Variants in IL1RAPL2 observed in about 807,000 individuals in gnomAD.
IL1RAPL2 encodes the protein interleukin 1 receptor accessory protein like 2.
A neutral mutation model predicts 44.1 loss-of-function variants in IL1RAPL2; 3 were observed. The ratio of observed to expected loss-of-function variants is 0.07; its 90% confidence interval spans 0.03 to 0.18. IL1RAPL2 has a LOEUF of 0.18. Among genes scored for constraint, IL1RAPL2 ranks in the 10% least tolerant of loss-of-function variants. IL1RAPL2 has a pLI of 1.00. For synonymous variants in IL1RAPL2, 181 were observed against 178.8 expected (o/e 1.01, Z -0.10); for missense variants, 391 against 496.4 (o/e 0.79, Z 2.02).
intron 2 of IL1RAPL2, among the ~76,000 whole-genome samples, chrX:104,873,258 A>G (rs995764372): frequency 3.6e-5 from 4 of 110,477 alleles, no homozygotes; most frequent in African/African-American, 9.9e-5. Context: ...CATTTATCTC[A>G]TTTTTGAGGA....
chrX:104,987,256 GT>G (rs1451834879), intron 2 of IL1RAPL2, among the ~76,000 whole-genome samples: 1 of 111,248 alleles, frequency 9.0e-6, no homozygotes, highest in African/African-American at 3.3e-5. Context: ...AGGAAATAGT[GT>G]TCCAGGTTTC....
chrX:104,921,019 A>G (rs1438456038), intron 2 of IL1RAPL2, among the ~76,000 whole-genome samples: 1 of 111,224 alleles, frequency 9.0e-6, no homozygotes, highest in African/African-American at 3.3e-5. Context: ...GACCGGTGCC[A>G]TTCCCAAGGA....
intron 6 of IL1RAPL2, among the ~76,000 whole-genome samples, chrX:105,532,325 A>G (rs763057876): frequency 8.9e-6 from 1 of 111,899 alleles, no homozygotes; most frequent in Admixed American, 9.5e-5. Context: ...GAATCTCTAA[A>G]GCACCAATAT....
intron 2 of IL1RAPL2, among the ~76,000 whole-genome samples, chrX:105,026,471 A>T (rs2031374382): frequency 9.0e-6 from 1 of 110,939 alleles, no homozygotes; most frequent in Non-Finnish European, 1.9e-5. Flanking sequence ...CCACCAAAAA[A>T]CTATTAGAAC....
At chrX:105,293,076 C>T (rs1346017831) in intron 5 of IL1RAPL2, among the ~76,000 whole-genome samples, 1 of 93,450 alleles carries the variant, frequency 1.1e-5, no homozygotes, top group Non-Finnish European at 2.0e-5. Flanking sequence ...CAAGATCATG[C>T]CACTGCACTC....
chrX:104,915,034 A>T (rs1924372804), intron 2 of IL1RAPL2, among the ~76,000 whole-genome samples: 2 of 111,840 alleles, frequency 1.8e-5, no homozygotes, highest in East Asian at 5.6e-4. Flanking sequence ...ATACATGTGC[A>T]TGTGTCTTTA....
chrX:105,154,949 T>C (rs2033257492), intron 2 of IL1RAPL2, among the ~76,000 whole-genome samples: 1 of 112,045 alleles, frequency 8.9e-6, no homozygotes. Context: ...AATGGCACGA[T>C]TCAGCCTTAA....
chrX:104,950,734 A>G (rs1322372600), intron 2 of IL1RAPL2, among the ~76,000 whole-genome samples: 1 of 105,345 alleles, frequency 9.5e-6, no homozygotes, highest in South Asian at 4.2e-4. Flanking sequence ...TTTGAGACGG[A>G]GTCTCGCTGT....
At chrX:104,867,763 G>C (rs1318206365) in intron 2 of IL1RAPL2, among the ~76,000 whole-genome samples, 1 of 112,047 alleles carries the variant, frequency 8.9e-6, no homozygotes, top group East Asian at 2.8e-4. Context: ...GGATTGGAGG[G>C]AGTAGAAACT....
intron 6 of IL1RAPL2, among the ~76,000 whole-genome samples, chrX:105,545,996 G>C (rs2036794184): frequency 1.8e-5 from 2 of 111,386 alleles, no homozygotes; most frequent in South Asian, 7.5e-4. Flanking sequence ...TACTCACCTT[G>C]TGTCCAAGAT....
intron 2 of IL1RAPL2, among the ~76,000 whole-genome samples, chrX:104,880,806 G>C (rs766857145): frequency 8.9e-6 from 1 of 111,876 alleles, no homozygotes; most frequent in Non-Finnish European, 1.9e-5. Flanking sequence ...ATACCTTTCT[G>C]TTTTCCAAAA....
chrX:104,942,130 G>A (rs751072471), intron 2 of IL1RAPL2, among the ~76,000 whole-genome samples: 2 of 111,902 alleles, frequency 1.8e-5, no homozygotes, highest in East Asian at 5.6e-4. Flanking sequence ...AAGTCAGGTA[G>A]CATGATGCCT....
At chrX:105,303,208 C>T (rs1393169798) in intron 5 of IL1RAPL2, among the ~76,000 whole-genome samples, 2 of 111,544 alleles carry the variant, frequency 1.8e-5, no homozygotes, top group Non-Finnish European at 3.8e-5. Context: ...TAATTGCGCC[C>T]GCAAATTAAA....
At chrX:105,148,284 G>A (rs2033196908) in intron 2 of IL1RAPL2, among the ~76,000 whole-genome samples, 1 of 111,168 alleles carries the variant, frequency 9.0e-6, no homozygotes, top group Non-Finnish European at 1.9e-5. Flanking sequence ...ATTCTCAGGA[G>A]CCTGTGCATA....
At chrX:105,666,401 G>T (rs909577146) in intron 6 of IL1RAPL2, among the ~76,000 whole-genome samples, 22 of 111,275 alleles carry the variant, frequency 2.0e-4, no homozygotes, top group Admixed American at 1.1e-3. Context: ...GTTAGTGAGG[G>T]ATTTAGTGTC....
At chrX:105,365,339 A>G (rs763201008) in intron 5 of IL1RAPL2, among the ~76,000 whole-genome samples, 3 of 111,649 alleles carry the variant, frequency 2.7e-5, no homozygotes, top group Non-Finnish European at 3.8e-5. Context: ...TATGTTCATT[A>G]GGAATATTGG....
Position 105,210,284 on chromosome X carries a change from A to T in IL1RAPL2, c.356+14536A>T, listed in dbSNP as rs782285613. Among the ~76,000 whole-genome samples, 424 of 111,516 alleles carry T rather than the reference A, an allele frequency of 3.8e-3. 2 individuals carry two copies. The highest frequency in any genetic ancestry group is 0.013 in the African/African-American group (407 of 30,661). ...TTGTTTTGTATTTCTGTGAACATTT[A>T]ATTACTTTACTGTCACAAAACACAA... On this transcript the variant is annotated intron_variant, in intron 3 of 10. Coordinates refer to ENST00000372582, the MANE Select transcript of IL1RAPL2 (RefSeq NM_017416.2).
chrX:105,334,175 C>T (rs767672488), intron 5 of IL1RAPL2, among the ~76,000 whole-genome samples: 1 of 112,027 alleles, frequency 8.9e-6, no homozygotes, highest in Non-Finnish European at 1.9e-5. Context: ...AAATGGAGTA[C>T]AATTCAGCCA....
intron 2 of IL1RAPL2, among the ~76,000 whole-genome samples, chrX:105,167,951 A>G (rs777090700): frequency 1.8e-5 from 2 of 111,364 alleles, no homozygotes; most frequent in Admixed American, 1.9e-4. Context: ...AAGCACAGAG[A>G]GGTTATCTTA....
Sources: allele counts gnomAD v4.1 joint callset (sites outside exome capture counted in the v4.1 genomes callset), GRCh38; gene constraint gnomAD v4.1.1; transcripts MANE v1.5; gene names NCBI Gene and HGNC (gene_info 2026-07-23, HGNC 2026-07-21).